The following GALNTL6 variants were observed in gnomAD, a reference collection of about 807,000 sequenced individuals.
GALNTL6 encodes the protein polypeptide N-acetylgalactosaminyltransferase-like 6.
In GALNTL6, 46 loss-of-function variants were observed where a neutral mutation model predicts 73.7. That is an observed-to-expected ratio of 0.62 (90% CI 0.49 to 0.80). The LOEUF (loss-of-function observed/expected upper bound fraction) is 0.80, where lower values mean the gene tolerates loss of function less well. Among genes scored for constraint, GALNTL6 ranks in the 30% least tolerant of loss-of-function variants. The pLI is 0.00. For missense variants in GALNTL6, 604 were observed against 755.0 expected (o/e 0.80, Z 2.34); for synonymous variants, 259 against 263.7 (o/e 0.98, Z 0.17).
intron 12 of GALNTL6, among the ~76,000 whole-genome samples, chr4:173,039,702 A>G (rs1223327351): frequency 6.6e-6 from 1 of 152,208 alleles, no homozygotes; most frequent in Non-Finnish European, 1.5e-5. Context: ...AAATACATTT[A>G]TTGTCTCTAA....
At chr4:172,268,810 A>G (rs1486018713) in intron 3 of GALNTL6, among the ~76,000 whole-genome samples, 1 of 152,212 alleles carries the variant, frequency 6.6e-6, no homozygotes, top group Non-Finnish European at 1.5e-5. Flanking sequence ...GTGAGAACAC[A>G]GCAAAAAGGC....
intron 5 of GALNTL6, among the ~76,000 whole-genome samples, chr4:172,701,651 A>G (rs1734036873): frequency 6.6e-6 from 1 of 152,066 alleles, no homozygotes; most frequent in Admixed American, 6.6e-5. Context: ...ACCTCAAGAA[A>G]TGGAGGTTCC....
chr4:172,732,825 A>C (rs931658013), intron 5 of GALNTL6, among the ~76,000 whole-genome samples: 7 of 152,314 alleles, frequency 4.6e-5, no homozygotes, highest in East Asian at 1.9e-4. Flanking sequence ...AGGCAAAAAA[A>C]CCCACAAACA....
At chr4:172,328,673 T>A (rs1578959972) in intron 4 of GALNTL6, among the ~76,000 whole-genome samples, 1 of 152,314 alleles carries the variant, frequency 6.6e-6, no homozygotes, top group East Asian at 1.9e-4. Flanking sequence ...CTCAGCCTGG[T>A]TTATTCTGCT....
intron 2 of GALNTL6, among the ~76,000 whole-genome samples, chr4:172,163,820 A>G (rs1734543088): frequency 1.3e-5 from 2 of 152,154 alleles, no homozygotes; most frequent in East Asian, 1.9e-4. Context: ...AAGGCAAACA[A>G]CATACAGGCA....
intron 2 of GALNTL6, among the ~76,000 whole-genome samples, chr4:172,005,021 G>T (rs1224188391): frequency 2.0e-5 from 3 of 152,036 alleles, no homozygotes; most frequent in Non-Finnish European, 4.4e-5. Context: ...ACTGTGCCTT[G>T]TTACGTGATA....
intron 2 of GALNTL6, among the ~76,000 whole-genome samples, chr4:172,129,819 C>T (rs1001371982): frequency 1.3e-5 from 2 of 152,082 alleles, no homozygotes; most frequent in South Asian, 4.1e-4. Context: ...TCCTAGAATC[C>T]AAGAGGAGAT....
At chr4:172,590,424 A>G (rs1167793579) in intron 5 of GALNTL6, among the ~76,000 whole-genome samples, 2 of 152,276 alleles carry the variant, frequency 1.3e-5, no homozygotes, top group Non-Finnish European at 2.9e-5. Flanking sequence ...AAAAAATGCC[A>G]TCTCAGATAT....
intron 5 of GALNTL6, among the ~76,000 whole-genome samples, chr4:172,546,949 T>C (rs955443512): frequency 2.0e-5 from 3 of 151,100 alleles, no homozygotes; most frequent in Non-Finnish European, 4.4e-5. Flanking sequence ...ACCAGAGCTC[T>C]TTTCATGTTG....
chr4:172,272,718 A>G (rs1232160461), intron 3 of GALNTL6, among the ~76,000 whole-genome samples: 1 of 152,216 alleles, frequency 6.6e-6, no homozygotes, highest in Non-Finnish European at 1.5e-5. Context: ...TATGTTCTAG[A>G]AGAAAATTTC....
chr4:172,364,542 T>C (rs1239798981), intron 5 of GALNTL6, among the ~76,000 whole-genome samples: 1 of 152,198 alleles, frequency 6.6e-6, no homozygotes, highest in African/African-American at 2.4e-5. Flanking sequence ...CTTTGATCAC[T>C]GGGAATTTTG....
intron 4 of GALNTL6, 132 bp downstream of exon 4, chr4:172,311,884 T>C (rs1380735420): frequency 1.2e-5 from 7 of 605,284 alleles, no homozygotes; most frequent in Non-Finnish European, 1.9e-5. Flanking sequence ...TAAAAACTCA[T>C]ATTGCATCAT....
chr4:172,246,201 C>T (rs181871030), intron 3 of GALNTL6, among the ~76,000 whole-genome samples: 116 of 152,138 alleles, frequency 7.6e-4, no homozygotes, highest in African/African-American at 2.6e-3. Flanking sequence ...CTAGGCGTTT[C>T]GTTCGATAAT....
At chr4:172,829,978 C>T (rs1252523141) in intron 7 of GALNTL6, among the ~76,000 whole-genome samples, 1 of 152,146 alleles carries the variant, frequency 6.6e-6, no homozygotes, top group African/African-American at 2.4e-5. Flanking sequence ...ACAATATCCC[C>T]ATAAGTATAC....
intron 7 of GALNTL6, among the ~76,000 whole-genome samples, chr4:172,881,752 C>T (rs1371242179): frequency 2.0e-5 from 3 of 152,110 alleles, no homozygotes; most frequent in Non-Finnish European, 4.4e-5. Flanking sequence ...TATCGATTTG[C>T]TTGATCTGCA....
chr4:172,240,354 G>C (rs1737381269), intron 3 of GALNTL6, among the ~76,000 whole-genome samples: 1 of 151,834 alleles, frequency 6.6e-6, no homozygotes, highest in South Asian at 2.1e-4. Context: ...CTCCTAAGTA[G>C]CAGGGACTAC....
At chr4:173,035,235 A>G (rs1194720472) in intron 12 of GALNTL6, among the ~76,000 whole-genome samples, 1 of 149,612 alleles carries the variant, frequency 6.7e-6, no homozygotes, top group African/African-American at 2.5e-5. Context: ...CTGGAGTGCA[A>G]TGGCGCAATC....
chr4:172,643,546 T>C (rs527389365), intron 5 of GALNTL6, among the ~76,000 whole-genome samples: 34 of 151,958 alleles, frequency 2.2e-4, no homozygotes, highest in African/African-American at 7.5e-4. Context: ...ACACCAGATG[T>C]CTCCCTAAAG....
In GALNTL6 at chr4:172,751,642, T is replaced by C. The variant is rs554039618; in HGVS notation, c.554-57719T>C. Among the ~76,000 whole-genome samples, 202 of 152,266 alleles carry C rather than the reference T, an allele frequency of 1.3e-3. 1 individual carries two copies. Among genetic ancestry groups the C allele is most frequent in the African/African-American group, 4.6e-3 (193 of 41,550 alleles). On this transcript the variant is annotated intron_variant, in intron 5 of 12. Transcript: ENST00000506823. ...AGTCACAAAAACAGTGTAGGCTGGA[T>C]CCTCATTTTCAGACTTCACAGCACA...
Sources: allele counts gnomAD v4.1 joint callset (sites outside exome capture counted in the v4.1 genomes callset), GRCh38; gene constraint gnomAD v4.1.1; transcripts MANE v1.5; gene names NCBI Gene and HGNC (gene_info 2026-07-23, HGNC 2026-07-21).